Variants in PSG7 observed in about 807,000 individuals in gnomAD.
PSG7 encodes pregnancy specific beta-1-glycoprotein 7.
Under a neutral mutation model 45.6 loss-of-function variants are expected in PSG7, and 57 were observed. That is an observed-to-expected ratio of 1.25 (90% CI 1.01 to 1.56). The LOEUF is 1.56. Ranked by LOEUF, PSG7 falls within the 40% of genes most tolerant of loss-of-function variation. The pLI is 0.00. For missense variants in PSG7, 796 were observed against 508.4 expected (o/e 1.57, Z -5.44); for synonymous variants, 298 against 194.4 (o/e 1.53, Z -4.43).
chr19:42,925,786 T>A lies in PSG7; in HGVS notation c.1230A>T (p.Thr410=), dbSNP rs756809081. The change falls in exon 5 of 6, where the codon ACA becomes ACT. Residue 410 remains threonine (T), a synonymous_variant. Coordinates refer to ENST00000406070, the MANE Select transcript of PSG7 (RefSeq NM_002783.3). ...ATGKESSKSV[T]VRVSDWTLP The stretch of plus-strand genomic sequence containing the variant: ...GGATCCACTTACCAGAGACTCTGAC[T>A]GTCACGGATTTGGAGCTTTCCTTGC... The A allele has an allele frequency of 1.9e-5, 31 of 1,612,058 alleles. 2 individuals carry two copies. In the South Asian group the frequency reaches 3.3e-4, roughly 17 times the overall value.
Position 42,924,448 on chromosome 19 carries a change from C to G in PSG7, c.*360G>C. 1 of 531,366 alleles carries G rather than the reference C, an allele frequency of 1.9e-6. No individual in the cohort carries two copies. Among genetic ancestry groups the G allele is most frequent in the Non-Finnish European group, 3.3e-6 (1 of 303,720 alleles). 32.9% of individuals were successfully genotyped at this position (531,366 alleles called of 1,614,324 possible). A position where few individuals can be genotyped will look rare whatever the true frequency, so the allele number is the denominator to read the frequency against. ...GTTGTTACCCTCAGAAGCTCCTATA[C>G]TACATGTGAAATTCTAATGACTGCA... is the stretch of plus-strand genomic sequence containing the variant. On this transcript the variant is annotated 3_prime_UTR_variant, in exon 6 of 6. Transcript: ENST00000406070.
chr19:42,925,346 C>T (rs1371738216), intron 5 of PSG7: 4 of 367,900 alleles, frequency 1.1e-5, no homozygotes, highest in South Asian at 3.2e-5. Context: ...AATTCTGGGG[C>T]ATTCAGGTAG....
chr19:42,926,405 A>G, intron 4 of PSG7, 33 bp downstream of exon 4: 1 of 1,608,342 alleles, frequency 6.2e-7, no homozygotes. Flanking sequence ...GTCCTGGCCC[A>G]CAGAGGAAGA....
At chr19:42,933,823 G>T (rs1416962180) in intron 2 of PSG7, among the ~76,000 whole-genome samples, 2 of 151,094 alleles carry the variant, frequency 1.3e-5, no homozygotes, top group Non-Finnish European at 3.0e-5. Context: ...GGACCAAGGA[G>T]CCCTGAGAAC....
chr19:42,929,131 T>C lies in PSG7; in HGVS notation c.709+311A>G, dbSNP rs138680721. 590 of 497,592 alleles carry C rather than the reference T, an allele frequency of 1.2e-3. 19 individuals are homozygous for C. The highest frequency in any genetic ancestry group is 8.4e-3 in the African/African-American group (438 of 52,070). 30.8% of individuals were successfully genotyped at this position (497,592 alleles called of 1,614,324 possible). ...GGAAGGGCCACAGTGACCCTGTGAGTCAAGTCGCAACACTGAAGTCCCAGC... is the reference window on the plus strand; with the variant it reads ...GGAAGGGCCACAGTGACCCTGTGAGCCAAGTCGCAACACTGAAGTCCCAGC... On this transcript the variant is annotated intron_variant, in intron 3 of 5. Transcript: ENST00000406070.
Position 42,935,628 on chromosome 19 carries a change from T to A in PSG7, c.206A>T (p.Lys69Ile), listed in dbSNP as rs559745030. 3 of 1,612,144 alleles carry A rather than the reference T, an allele frequency of 1.9e-6. No homozygotes were observed. Among genetic ancestry groups the A allele is most frequent in the Admixed American group, 1.7e-5 (1 of 59,824 alleles). Reference sequence around the variant, plus strand: ...ATGGTAGAGGTCCCTGATTTGTCCTTTGTACCAGATGTAGCCAGTAAGATT... The same window carrying A: ...ATGGTAGAGGTCCCTGATTTGTCCTATGTACCAGATGTAGCCAGTAAGATT... ...PQNLTGYIWY[K>I]GQIRDLYHYV... The change falls in exon 2 of 6, where the codon AAA (lysine) becomes ATA (isoleucine). Residue 69 changes from lysine to isoleucine, a missense_variant. By Grantham distance (102) the Lys-to-Ile change is moderately radical (BLOSUM62 -3). Transcript: ENST00000406070.
In PSG7 at chr19:42,926,604, C is replaced by T. The variant is rs747533285; in HGVS notation, c.822G>A (p.Trp274Ter). Reference protein sequence around the residue: ...PKSENYTYIWWLNGQSLPVSP... With the variant: ...PKSENYTYIW ...TGACCGGGAGGCTCTGACCATTTAG[C>T]CACCAAATGTAGGTGTAGTTCTCAC... Residue 274 changes from tryptophan (W) to a stop codon, truncating the protein, a stop_gained, in exon 4 of 6, where the codon TGG becomes TGA. Transcript: ENST00000406070. LOFTEE classifies it high-confidence loss of function. The T allele has an allele frequency of 1.2e-6, 2 of 1,610,276 alleles. No homozygotes were observed. The highest frequency in any genetic ancestry group is 1.7e-6 in the Non-Finnish European group (2 of 1,179,040).
chr19:42,924,486 G>A lies in PSG7; in HGVS notation c.*322C>T, dbSNP rs1306417292. ...TCTAATGACTGCATTATCCTGCCAA[G>A]TGAAAGAGGCAGGCACAAGCAAGGA... On this transcript the variant is annotated 3_prime_UTR_variant, in exon 6 of 6. Transcript: ENST00000406070. 1.1e-5 allele frequency: 6 copies of A among 558,772 alleles called. No individual in the cohort carries two copies. The highest frequency in any genetic ancestry group is 3.1e-5 in the Admixed American group (1 of 31,890). 34.6% of individuals were successfully genotyped at this position (558,772 alleles called of 1,614,324 possible).
Position 42,924,583 on chromosome 19 carries a change from G to T in PSG7, c.*225C>A. 1.6e-6 allele frequency: 1 copy of T among 625,538 alleles called. No individual in the cohort carries two copies. The highest frequency in any genetic ancestry group is 1.9e-5 in the South Asian group (1 of 51,720). 38.7% of individuals were successfully genotyped at this position (625,538 alleles called of 1,614,324 possible). On this transcript the variant is annotated 3_prime_UTR_variant, in exon 6 of 6. Coordinates refer to ENST00000406070, the MANE Select transcript of PSG7 (RefSeq NM_002783.3). ...GACATCTTGGGAAAAGCTGTCCACA[G>T]TGTGAAGTCATCAACTTGTTTTCCT...
Position 42,935,580 on chromosome 19 carries a change from T to C in PSG7, c.254A>G (p.Asp85Gly). 6.2e-7 allele frequency: 1 copy of C among 1,612,116 alleles called. No homozygotes were observed. Among genetic ancestry groups the C allele is most frequent in the Non-Finnish European group, 8.5e-7 (1 of 1,179,090 alleles). Residue 85 changes from aspartate (D) to glycine (G), a missense_variant, in exon 2 of 6, where the codon GAC (aspartate) becomes GGC (glycine). Physicochemically the swap from Asp to Gly is moderately conservative, Grantham distance 94 (BLOSUM62 -1). Coordinates refer to ENST00000406070, the MANE Select transcript of PSG7 (RefSeq NM_002783.3). ...AGGCCCATATTTAATTATTTGACCG[T>C]CTACTATATATGATGTAACATAATG... ...LYHYVTSYIV[D>G]GQIIKYGPAY...
At chr19:42,925,721 C>G in intron 5 of PSG7, 52 bp downstream of exon 5, 1 of 1,610,026 alleles carries the variant, frequency 6.2e-7, no homozygotes, top group Non-Finnish European at 8.5e-7. Flanking sequence ...CTCTGAAAGT[C>G]AGATAGACTG....
chr19:42,925,720 T>C lies in PSG7; in HGVS notation c.1243+53A>G, dbSNP rs370082494. The C allele has an allele frequency of 3.7e-6, 6 of 1,609,734 alleles. No individual in the cohort carries two copies. The African/African-American group carries it at 6.7e-5, about 18-fold the overall frequency. On this transcript the variant is annotated intron_variant, in intron 5 of 5. Transcript: ENST00000406070. ...TGTTTTCCTGACTTTTCTCTGAAAG[T>C]CAGATAGACTGCACCTAAAACCCTA...
rs140185700 is a variant in PSG7, at chr19:42,926,889, T to G, written c.710-173A>C. On this transcript the variant is annotated intron_variant, in intron 3 of 5. Coordinates refer to ENST00000406070, the MANE Select transcript of PSG7 (RefSeq NM_002783.3). ...CATGATGATCTAAGGGCTCAAAGAC[T>G]GTGAGGCCACCTGCTCAGTCTTAGG... The G allele has an allele frequency of 8.0e-4, 996 of 1,247,532 alleles. 21 individuals carry two copies. The African/African-American group carries it at 0.014, about 17-fold the overall frequency. The allele number at this position is 1,247,532 out of a possible 1,614,324, so 77.3% of individuals were successfully genotyped here.
Position 42,937,112 on chromosome 19 carries a change from T to C in PSG7, c.-36A>G. ...CCCTGCGTGTTCTCCTCTGTGGAGA[T>C]GAGCCTAGGATCCAGAATCTTCCTG... On this transcript the variant is annotated 5_prime_UTR_variant, in exon 1 of 6. Transcript: ENST00000406070. 2 of 1,603,120 alleles carry C rather than the reference T, an allele frequency of 1.2e-6. No individual in the cohort carries two copies. Among genetic ancestry groups the C allele is most frequent in the Non-Finnish European group, 1.7e-6 (2 of 1,172,208 alleles).
chr19:42,929,765 A>T, intron 2 of PSG7, 45 bp from the exon 3 acceptor site: 1 of 1,582,472 alleles, frequency 6.3e-7, no homozygotes, highest in East Asian at 2.3e-5. Flanking sequence ...GGCACCTTTG[A>T]CTCCTCCAAA....
chr19:42,925,735 C>A, intron 5 of PSG7, 38 bp downstream of exon 5: 1 of 1,611,228 alleles, frequency 6.2e-7, no homozygotes, highest in South Asian at 1.1e-5. Context: ...TAGACTGCAC[C>A]TAAAACCCTA....
At chr19:42,936,017 C>A (rs995823266) in intron 1 of PSG7, 7 of 721,864 alleles carry the variant, frequency 9.7e-6, no homozygotes, top group Non-Finnish European at 1.4e-5. Context: ...CTTCAACACT[C>A]CTGACTTTGG....
intron 5 of PSG7, chr19:42,925,110 A>G (rs1179202340): frequency 6.4e-6 from 3 of 469,766 alleles, no homozygotes; most frequent in African/African-American, 5.9e-5. Context: ...AAACCTTTAC[A>G]AAACTCTTGA....
chr19:42,929,471 C>T lies in PSG7; in HGVS notation c.680G>A (p.Arg227His), dbSNP rs200257675. The T allele has an allele frequency of 5.5e-5, 89 of 1,612,316 alleles. 5 individuals are homozygous for T. In the South Asian group the frequency reaches 5.9e-4, roughly 11 times the overall value. The stretch of plus-strand genomic sequence containing the variant: ...GAGATTCAGGGTGACTGGGTCACTG[C>T]GGCTGGCACTCACTGGGTTCCGTAT... Reference protein sequence around the residue: ...CEIRNPVSASRSDPVTLNLLP... With the variant: ...CEIRNPVSASHSDPVTLNLLP... The change falls in exon 3 of 6, where the codon CGC (arginine) becomes CAC (histidine). Residue 227 changes from arginine (R) to histidine (H), a missense_variant. Transcript: ENST00000406070.
Sources: gnomAD v4.1 joint callset for allele counts (sites outside exome capture counted in the v4.1 genomes callset) on GRCh38, gnomAD v4.1.1 for gene constraint, MANE v1.5 for transcripts, NCBI Gene and HGNC (gene_info 2026-07-23, HGNC 2026-07-21) for gene names.